Variants in LBR observed in about 807,000 individuals in gnomAD.
LBR encodes the protein lamin B receptor.
In LBR, 28 loss-of-function variants were observed where a neutral mutation model predicts 74.3. The ratio of observed to expected loss-of-function variants is 0.38; its 90% CI spans 0.28 to 0.52. The LOEUF (loss-of-function observed/expected upper bound fraction) is 0.52. LBR is among the 20% of genes least tolerant of loss of function. The pLI is 0.89. For missense variants in LBR, 717 were observed against 760.3 expected, an observed-to-expected ratio of 0.94 and a Z score of 0.67; for synonymous variants, 228 against 269.3, an observed-to-expected ratio of 0.85 and a Z score of 1.50.
At chr1:225,416,719 CG>C (rs546494895) in intron 6 of LBR, among the ~76,000 whole-genome samples, 183 of 152,272 alleles carry the variant, frequency 1.2e-3, no homozygotes, top group South Asian at 2.3e-3. Context: ...CAAAATATTT[CG>C]GAAAAAATTG....
chr1:225,411,700 G>GC (rs992668322), intron 8 of LBR, among the ~76,000 whole-genome samples: 4 of 152,130 alleles, frequency 2.6e-5, no homozygotes, highest in Admixed American at 6.5e-5. Flanking sequence ...AATCATGGGG[G>GC]CCCCCCCAAA....
intron 1 of LBR, among the ~76,000 whole-genome samples, chr1:225,424,668 C>T (rs1363927679): frequency 1.3e-5 from 2 of 152,152 alleles, no homozygotes; most frequent in African/African-American, 4.8e-5. Context: ...TGCCAACCAC[C>T]CACCTAAGCC....
intron 11 of LBR, 33 bp from the exon 12 acceptor site, chr1:225,404,739 A>T (rs369399016): frequency 9.7e-6 from 13 of 1,344,366 alleles, no homozygotes; most frequent in Non-Finnish European, 9.6e-6. Flanking sequence ...TATGTTAATA[A>T]CTTAGTTATA....
intron 7 of LBR, among the ~76,000 whole-genome samples, chr1:225,413,695 T>C (rs985030591): frequency 6.6e-6 from 1 of 152,252 alleles, no homozygotes; most frequent in African/African-American, 2.4e-5. Context: ...AGTCTTTTGC[T>C]CTCTAGCCTA....
chr1:225,424,248 G>A (rs917126815), intron 1 of LBR, among the ~76,000 whole-genome samples, 159 bp from the exon 2 acceptor site: 22 of 152,188 alleles, frequency 1.4e-4, no homozygotes, highest in Non-Finnish European at 4.4e-5. Context: ...AATCATTTGA[G>A]AGGATGATTT....
At chr1:225,408,310 G>A (rs766984059) in intron 10 of LBR, among the ~76,000 whole-genome samples, 1 of 152,192 alleles carries the variant, frequency 6.6e-6, no homozygotes, top group Non-Finnish European at 1.5e-5. Flanking sequence ...GTCCCCAAGA[G>A]TGTCTTATTC....
In LBR at chr1:225,414,169, A is replaced by T. The variant is rs1392040278; in HGVS notation, c.892+1109T>A. ...CTAACAATACCAATGATAAGTATTA[A>T]GCACCCACCAGGGGTCAGACTCTGG... On this transcript the variant is annotated intron_variant, in intron 7 of 13. Transcript: ENST00000272163. 8.8e-6 allele frequency: 4 copies of T among 456,518 alleles called. No homozygotes were observed. In the Admixed American group the frequency reaches 9.4e-5, roughly 11 times the overall value. The allele number at this position is 456,518 out of a possible 1,614,324, so 28.3% of individuals were successfully genotyped here.
chr1:225,412,871 T>C (rs1468907100), intron 7 of LBR, among the ~76,000 whole-genome samples: 2 of 152,228 alleles, frequency 1.3e-5, no homozygotes, highest in African/African-American at 4.8e-5. Context: ...ATATTGATTC[T>C]TTTTCAGTTC....
chr1:225,422,471 G>C, intron 2 of LBR, 194 bp from the exon 3 acceptor site: 1 of 610,336 alleles, frequency 1.6e-6, no homozygotes, highest in South Asian at 1.9e-5. Flanking sequence ...TCTTTCATGA[G>C]ACAAATGCAG....
chr1:225,417,040 T>C (rs188838809), intron 6 of LBR, among the ~76,000 whole-genome samples: 1 of 152,262 alleles, frequency 6.6e-6, no homozygotes, highest in East Asian at 1.9e-4. Context: ...TCTATGAGTA[T>C]ATACATATAT....
Position 225,421,985 on chromosome 1 carries a change from G to A in LBR, c.366+92C>T, listed in dbSNP as rs1392205651. The A allele has an allele frequency of 5.6e-6, 7 of 1,240,092 alleles. No homozygotes were observed. The East Asian group carries it at 1.6e-4, about 29-fold the overall frequency. 76.8% of individuals were successfully genotyped at this position (1,240,092 alleles called of 1,614,324 possible). On this transcript the variant is annotated intron_variant, in intron 3 of 13. Transcript: ENST00000272163. ...TCATCAACTTAGATTTGATGTTTCA[G>A]TGACATTTTAATATTATTAACTGCA...
chr1:225,409,626 A>G lies in LBR; in HGVS notation c.1314+665T>C, dbSNP rs191440538. On this transcript the variant is annotated intron_variant, in intron 10 of 13. Coordinates refer to ENST00000272163, the MANE Select transcript of LBR (RefSeq NM_002296.4). ...AAAACTAGAGTTGGAATTTGGAGATAATTACAAAGATAACAGTAAATACGA... is the reference window on the plus strand; with the variant it reads ...AAAACTAGAGTTGGAATTTGGAGATGATTACAAAGATAACAGTAAATACGA... 3.9e-5 allele frequency among the ~76,000 whole-genome samples: 6 copies of G among 152,366 alleles called. No individual in the cohort carries two copies. In the East Asian group the frequency reaches 1.2e-3, roughly 29 times the overall value.
intron 7 of LBR, among the ~76,000 whole-genome samples, chr1:225,414,880 G>A (rs1183578408): frequency 2.6e-5 from 4 of 152,220 alleles, no homozygotes. Flanking sequence ...AAGTTCTCCA[G>A]GCAAAGGCCC....
chr1:225,423,848 C>T, intron 2 of LBR, 63 bp downstream of exon 2: 1 of 1,482,152 alleles, frequency 6.7e-7, no homozygotes, highest in Non-Finnish European at 9.4e-7. Context: ...AGCTTAGAAA[C>T]CATACTTAGA....
At chr1:225,418,271 T>C (rs537047124) in intron 5 of LBR, 91 bp from the exon 6 acceptor site, 61 of 1,360,042 alleles carry the variant, frequency 4.5e-5, no homozygotes, top group Admixed American at 9.8e-5. Flanking sequence ...TCAGAACTCG[T>C]TATCTGGCTA....
At chr1:225,413,406 T>C (rs2096110330) in intron 7 of LBR, among the ~76,000 whole-genome samples, 1 of 152,216 alleles carries the variant, frequency 6.6e-6, no homozygotes, top group South Asian at 2.1e-4. Flanking sequence ...GCTAAAGAAA[T>C]AGTTTTGCTT....
chr1:225,425,833 TCTTTATAA>T lies in LBR; in HGVS notation c.-14-1752_-14-1745del, dbSNP rs536051570. On this transcript the variant is annotated intron_variant, in intron 1 of 13. Transcript: ENST00000272163. ...GGAAGATGCTCAAGTTGCAAAAAAC[TCTTTATAA>T]ACTTTTGAAACACAAGCCCTTCAGG... 2.1e-3 allele frequency among the ~76,000 whole-genome samples: 319 copies of T among 152,206 alleles called. 1 individual carries two copies. The highest frequency in any genetic ancestry group is 3.4e-3 in the Non-Finnish European group (231 of 68,020).
At chr1:225,411,912 C>T (rs554827403) in intron 8 of LBR, among the ~76,000 whole-genome samples, 8 of 152,340 alleles carry the variant, frequency 5.3e-5, no homozygotes, top group African/African-American at 1.7e-4. Context: ...CACGCTCAAG[C>T]GATTCTCTTG....
Position 225,404,505 on chromosome 1 carries a change from G to T in LBR, c.1586C>A (p.Ser529Ter), listed in dbSNP as rs773141972. ...KLAHLKTIHT[S>*]TGKNLLVSGW... ...AGAAACTAGAAGATTTTTTCCCGTT[G>T]AAGTATGAATGGTTTTTAAATCTAT... is the stretch of plus-strand genomic sequence containing the variant. The change falls in exon 13 of 14, where the codon TCA (serine) becomes TAA (stop). Residue 529 changes from serine (S) to a stop codon, truncating the protein, a stop_gained. Transcript: ENST00000272163. LOFTEE classifies it high-confidence loss of function. The T allele has an allele frequency of 1.2e-6, 2 of 1,612,582 alleles. No homozygotes were observed. The highest frequency in any genetic ancestry group is 8.5e-7 in the Non-Finnish European group (1 of 1,178,760).
Sources: allele counts gnomAD v4.1 joint callset (sites outside exome capture counted in the v4.1 genomes callset), GRCh38; gene constraint gnomAD v4.1.1; transcripts MANE v1.5; gene names NCBI Gene and HGNC (gene_info 2026-07-23, HGNC 2026-07-21).